Variants in THSD7A observed in about 807,000 individuals in gnomAD.
THSD7A encodes the protein thrombospondin type 1 domain containing 7A.
A neutral mutation model predicts 231.3 loss-of-function variants in THSD7A; 96 were observed. The ratio of observed to expected loss-of-function variants is 0.41; its 90% CI spans 0.35 to 0.49. The LOEUF is 0.49. THSD7A is among the 20% of genes least tolerant of loss of function. The pLI is 0.05. For synonymous variants in THSD7A, 940 were observed against 743.3 expected (o/e 1.26, Z -4.30); for missense variants, 2,290 against 2,070.2 (o/e 1.11, Z -2.06).
At chr7:11,765,410 T>C (rs1353492236) in intron 1 of THSD7A, among the ~76,000 whole-genome samples, 1 of 152,198 alleles carries the variant, frequency 6.6e-6, no homozygotes, top group African/African-American at 2.4e-5. Flanking sequence ...CTGAATAGCA[T>C]TTCTTACCAG....
At chr7:11,657,428 G>A (rs1239119008) in intron 1 of THSD7A, among the ~76,000 whole-genome samples, 14 of 151,660 alleles carry the variant, frequency 9.2e-5, no homozygotes, top group African/African-American at 2.9e-4. Context: ...AAAGAAACAG[G>A]GACCCTGGAA....
At position 11,429,128 on chromosome 7, in the gene THSD7A, G is replaced by A; in HGVS notation, c.3065-3C>T. 1.3e-6 allele frequency: 2 copies of A among 1,561,694 alleles called. No individual in the cohort carries two copies. The highest frequency in any genetic ancestry group is 1.4e-5 in the African/African-American group (1 of 72,312). ...GATGCAGGCCTCCTCAATGTAACCTGAGTAGAGGAAAATGAGACAAGAATC... is the reference window on the plus strand; with the variant it reads ...GATGCAGGCCTCCTCAATGTAACCTAAGTAGAGGAAAATGAGACAAGAATC... On this transcript the variant is annotated splice_region_variant and splice_polypyrimidine_tract_variant and intron_variant, in intron 13 of 27. Coordinates refer to ENST00000423059, the MANE Select transcript of THSD7A (RefSeq NM_015204.3).
At chr7:11,667,197 C>G (rs1783172456) in intron 1 of THSD7A, among the ~76,000 whole-genome samples, 2 of 151,934 alleles carry the variant, frequency 1.3e-5, no homozygotes, top group African/African-American at 2.4e-5. Context: ...TCTTTTAGCC[C>G]TCACCCCTCA....
At chr7:11,739,572 AT>A (rs1562519699) in intron 1 of THSD7A, among the ~76,000 whole-genome samples, 3 of 151,586 alleles carry the variant, frequency 2.0e-5, no homozygotes, top group South Asian at 2.1e-4. Context: ...TTTCTTTAAA[AT>A]TTTTTTTTAA....
chr7:11,679,680 T>C lies in THSD7A; in HGVS notation c.191-42719A>G, dbSNP rs186360868. 1.4e-3 allele frequency among the ~76,000 whole-genome samples: 218 copies of C among 152,126 alleles called. 2 individuals carry two copies. Among genetic ancestry groups the C allele is most frequent in the African/African-American group, 5.0e-3 (209 of 41,500 alleles). On this transcript the variant is annotated intron_variant, in intron 1 of 27. Coordinates refer to ENST00000423059, the MANE Select transcript of THSD7A (RefSeq NM_015204.3). ...TTCAAGGAGAACTACAAAGCACTGG[T>C]CAAGGAAATAAGAGAGGACACAAAC... is the stretch of plus-strand genomic sequence containing the variant.
intron 1 of THSD7A, among the ~76,000 whole-genome samples, chr7:11,793,241 T>C (rs1784014740): frequency 6.6e-6 from 1 of 151,942 alleles, no homozygotes; most frequent in South Asian, 2.1e-4. Context: ...AGACTTATTG[T>C]CTACTTTTTA....
intron 4 of THSD7A, among the ~76,000 whole-genome samples, chr7:11,589,319 T>C (rs181369296): frequency 4.3e-4 from 65 of 152,260 alleles, no homozygotes; most frequent in Non-Finnish European, 7.8e-4. Flanking sequence ...CTGGTGAGAT[T>C]TACCCTTGGT....
At chr7:11,759,779 G>T (rs998848567) in intron 1 of THSD7A, among the ~76,000 whole-genome samples, 18 of 152,162 alleles carry the variant, frequency 1.2e-4, no homozygotes, top group African/African-American at 4.3e-4. Flanking sequence ...GGGCAAAGCA[G>T]TCTTTCATAA....
In THSD7A at chr7:11,428,986, A is replaced by G. The variant is rs1181686819; in HGVS notation, c.3204T>C (p.Asn1068=). The change falls in exon 14 of 28, where the codon AAT becomes AAC. Residue 1068 remains asparagine (N), a synonymous_variant. Coordinates refer to ENST00000423059, the MANE Select transcript of THSD7A (RefSeq NM_015204.3). ...RSKWLREKPY[N]GGRPCPKLDH... ...CCAGTTTGGGGCAAGGCCTTCCTCC[A>G]TTATATGGTTTTTCACGCAGCCATT... 1 of 1,612,798 alleles carries G rather than the reference A, an allele frequency of 6.2e-7. No individual in the cohort carries two copies. The highest frequency in any genetic ancestry group is 8.5e-7 in the Non-Finnish European group (1 of 1,179,448).
intron 4 of THSD7A, among the ~76,000 whole-genome samples, chr7:11,565,559 G>T (rs1474742755): frequency 6.6e-6 from 1 of 152,134 alleles, no homozygotes; most frequent in African/African-American, 2.4e-5. Context: ...GGAAGTGAAG[G>T]GGTCAGATAA....
At chr7:11,577,673 G>A (rs1468794788) in intron 4 of THSD7A, among the ~76,000 whole-genome samples, 1 of 150,862 alleles carries the variant, frequency 6.6e-6, no homozygotes, top group Non-Finnish European at 1.5e-5. Context: ...TAACAACAAG[G>A]GCTAAGTTTT....
chr7:11,737,867 G>C (rs2128159715), intron 1 of THSD7A, among the ~76,000 whole-genome samples: 1 of 152,134 alleles, frequency 6.6e-6, no homozygotes, highest in African/African-American at 2.4e-5. Flanking sequence ...AGGGCAGCCA[G>C]TATGATCAGT....
rs1782856842 is a variant in THSD7A, at chr7:11,659,796, T to C, written c.191-22835A>G. On this transcript the variant is annotated intron_variant, in intron 1 of 27. Coordinates refer to ENST00000423059, the MANE Select transcript of THSD7A (RefSeq NM_015204.3). ...CTGTTAATACATTAGTGAGGTGAAA[T>C]CTCTTCCAATGAGCACACTACCTTA... is the stretch of plus-strand genomic sequence containing the variant. Among the ~76,000 whole-genome samples the C allele has an allele frequency of 2.6e-5, 4 of 151,486 alleles. No individual in the cohort carries two copies. The South Asian group carries it at 8.3e-4, about 31-fold the overall frequency.
At chr7:11,410,324 C>T (rs1416288334) in intron 19 of THSD7A, 1 of 152,096 alleles carries the variant, frequency 6.6e-6, no homozygotes, top group Non-Finnish European at 1.5e-5. Flanking sequence ...GAGTTTTCCC[C>T]TAGGTATAGG....
At chr7:11,443,607 CT>C (rs914924121) in intron 13 of THSD7A, among the ~76,000 whole-genome samples, 10 of 151,116 alleles carry the variant, frequency 6.6e-5, no homozygotes, top group South Asian at 4.2e-4. Context: ...CATCATTAGA[CT>C]TTTTTTTTGT....
intron 1 of THSD7A, among the ~76,000 whole-genome samples, chr7:11,654,598 G>A (rs1251183662): frequency 6.6e-6 from 1 of 151,686 alleles, no homozygotes; most frequent in African/African-American, 2.4e-5. Context: ...TTTCTCCTTC[G>A]ATATTAAATT....
intron 23 of THSD7A, 128 bp downstream of exon 23, chr7:11,401,667 C>A: frequency 1.2e-6 from 1 of 820,838 alleles, no homozygotes; most frequent in Non-Finnish European, 1.8e-6. Flanking sequence ...CCACCTAGGC[C>A]TCCCAAAGCG....
intron 2 of THSD7A, among the ~76,000 whole-genome samples, chr7:11,631,264 G>A (rs559381025): frequency 1.4e-4 from 21 of 152,024 alleles, no homozygotes; most frequent in African/African-American, 4.3e-4. Flanking sequence ...TAGACACTTC[G>A]TTTTTTCAGT....
intron 2 of THSD7A, among the ~76,000 whole-genome samples, chr7:11,617,523 A>C (rs1432321662): frequency 6.6e-6 from 1 of 152,230 alleles, no homozygotes; most frequent in Non-Finnish European, 1.5e-5. Flanking sequence ...AATTTTAACT[A>C]TATTACATGA....
Sources: gnomAD v4.1 joint callset for allele counts (sites outside exome capture counted in the v4.1 genomes callset) on GRCh38, gnomAD v4.1.1 for gene constraint, MANE v1.5 for transcripts, NCBI Gene and HGNC (gene_info 2026-07-23, HGNC 2026-07-21) for gene names.